RPS6KC1: variants seen among roughly 807,000 people sequenced by gnomAD.
The protein encoded by RPS6KC1 is inactive ribosomal protein S6 kinase delta-1.
RPS6KC1 carries 54 observed loss-of-function variants against 103.8 expected under a neutral mutation model. The observed-to-expected ratio is 0.52, with a 90% CI of 0.42 to 0.65. The LOEUF is 0.65. Ranked by LOEUF, RPS6KC1 falls within the 30% of genes least tolerant of loss-of-function variation. RPS6KC1 has a pLI of 0.00. For synonymous variants in RPS6KC1, 439 were observed against 438.7 expected, an observed-to-expected ratio of 1.00 and a Z score of -0.01; for missense variants, 1,151 against 1,253.8, an observed-to-expected ratio of 0.92 and a Z score of 1.24.
chr1:213,635,467 T>G, the RPS6KC1 span, among the ~76,000 whole-genome samples: 9,558 of 152,208 alleles, frequency 0.063, 318 homozygotes, highest in Middle Eastern at 0.14. Context: ...GTTCAACATA[T>G]GCAAATCAAT....
intron 7 of RPS6KC1, among the ~76,000 whole-genome samples, chr1:213,173,787 T>G (rs907588551): frequency 1.3e-5 from 2 of 152,258 alleles, no homozygotes; most frequent in African/African-American, 4.8e-5. Flanking sequence ...AGACTGAGCC[T>G]TTTGATAATT....
At chr1:213,535,932 C>G in the RPS6KC1 span, among the ~76,000 whole-genome samples, 1 of 152,244 alleles carries the variant, frequency 6.6e-6, no homozygotes, top group East Asian at 1.9e-4. Flanking sequence ...ATAAGAGGCT[C>G]CTGGCTGCCT....
chr1:213,716,407 G>A, the RPS6KC1 span, among the ~76,000 whole-genome samples: 2 of 152,182 alleles, frequency 1.3e-5, no homozygotes, highest in Non-Finnish European at 2.9e-5. Context: ...ACTCAGCCCA[G>A]TAAATGCTCT....
intron 8 of RPS6KC1, among the ~76,000 whole-genome samples, chr1:213,196,836 T>G (rs972158140): frequency 6.6e-5 from 10 of 152,162 alleles, no homozygotes; most frequent in African/African-American, 2.4e-4. Flanking sequence ...TACATGCCTT[T>G]TTTTGTTTGT....
chr1:213,301,678 G>A, the RPS6KC1 span, among the ~76,000 whole-genome samples: 42 of 151,726 alleles, frequency 2.8e-4, no homozygotes, highest in African/African-American at 9.7e-4. Flanking sequence ...CAGCCTAGGT[G>A]ACAGAGCAAG....
At chr1:213,558,016 G>C in the RPS6KC1 span, among the ~76,000 whole-genome samples, 1 of 152,174 alleles carries the variant, frequency 6.6e-6, no homozygotes, top group African/African-American at 2.4e-5. Flanking sequence ...TTGCAAGAGA[G>C]ATCTGCCTAT....
At chr1:213,154,086 G>A (rs1229897012) in intron 6 of RPS6KC1, among the ~76,000 whole-genome samples, 1 of 152,156 alleles carries the variant, frequency 6.6e-6, no homozygotes, top group Non-Finnish European at 1.5e-5. Flanking sequence ...GGCTCTTGTT[G>A]TTTCCTTACT....
chr1:213,566,601 T>C, the RPS6KC1 span, among the ~76,000 whole-genome samples: 1 of 151,634 alleles, frequency 6.6e-6, no homozygotes, highest in Non-Finnish European at 1.5e-5. Context: ...GCCTCTCTGT[T>C]CTGCAATTTG....
chr1:213,647,406 C>T, the RPS6KC1 span, among the ~76,000 whole-genome samples: 3 of 152,042 alleles, frequency 2.0e-5, no homozygotes, highest in Admixed American at 6.5e-5. Context: ...TAAATTAATC[C>T]TTAGATTACT....
chr1:213,570,543 A>G, the RPS6KC1 span, among the ~76,000 whole-genome samples: 5 of 152,128 alleles, frequency 3.3e-5, no homozygotes, highest in African/African-American at 4.8e-5. Flanking sequence ...ATGTGCTACC[A>G]GTTTTTTTAA....
the RPS6KC1 span, among the ~76,000 whole-genome samples, chr1:213,697,888 C>T: frequency 1.3e-5 from 2 of 152,122 alleles, no homozygotes; most frequent in South Asian, 4.1e-4. Context: ...TGATTTCCAG[C>T]TATTGTAGAA....
At chr1:213,494,363 T>C in the RPS6KC1 span, among the ~76,000 whole-genome samples, 2 of 152,028 alleles carry the variant, frequency 1.3e-5, no homozygotes, top group African/African-American at 4.8e-5. Context: ...AATTCTTTGA[T>C]GTTTTCAAAA....
Position 213,125,413 on chromosome 1 carries a change from T to G in RPS6KC1, c.473-4114T>G, listed in dbSNP as rs77830925. On this transcript the variant is annotated intron_variant, in intron 5 of 14. Transcript: ENST00000366960. ...TTATTGCCACATTTTTACTAATTTT[T>G]GTGATGGACAGATGGACATTCTTGT... Among the ~76,000 whole-genome samples, 1,413 of 152,222 alleles carry G rather than the reference T, an allele frequency of 9.3e-3. 47 individuals carry two copies. Among genetic ancestry groups the G allele is most frequent in the East Asian group, 0.07 (364 of 5,178 alleles).
At chr1:213,209,028 T>C (rs1039314575) in intron 8 of RPS6KC1, among the ~76,000 whole-genome samples, 2 of 152,052 alleles carry the variant, frequency 1.3e-5, no homozygotes, top group African/African-American at 2.4e-5. Flanking sequence ...TTGGTTCAAC[T>C]TGGTTCTTCC....
the RPS6KC1 span, among the ~76,000 whole-genome samples, chr1:213,752,348 C>A: frequency 6.6e-6 from 1 of 151,594 alleles, no homozygotes; most frequent in South Asian, 2.1e-4. Context: ...CAGTCATAGA[C>A]CATATGTAAA....
intron 12 of RPS6KC1, among the ~76,000 whole-genome samples, chr1:213,251,013 G>A (rs1183367596): frequency 6.6e-6 from 1 of 151,888 alleles, no homozygotes; most frequent in Non-Finnish European, 1.5e-5. Flanking sequence ...TATGGAATTA[G>A]GTGCCTAAAT....
At chr1:213,195,220 G>A (rs2092899782) in intron 8 of RPS6KC1, among the ~76,000 whole-genome samples, 3 of 152,160 alleles carry the variant, frequency 2.0e-5, no homozygotes, top group African/African-American at 7.2e-5. Context: ...TGTGCTTGTG[G>A]TTATGAGAAT....
chr1:213,444,618 G>A, the RPS6KC1 span, among the ~76,000 whole-genome samples: 507 of 151,974 alleles, frequency 3.3e-3, 5 homozygotes, highest in South Asian at 0.012. Context: ...TTAGCTGGGC[G>A]TGGTGGTGTG....
At chr1:213,225,460 A>T (rs927577307) in intron 8 of RPS6KC1, among the ~76,000 whole-genome samples, 3 of 151,960 alleles carry the variant, frequency 2.0e-5, no homozygotes, top group Non-Finnish European at 4.4e-5. Flanking sequence ...CGCGATCTCA[A>T]TTCACTGCAA....
Sources: gnomAD v4.1 joint callset for allele counts (sites outside exome capture counted in the v4.1 genomes callset) on GRCh38, gnomAD v4.1.1 for gene constraint, MANE v1.5 for transcripts, NCBI Gene and HGNC (gene_info 2026-07-23, HGNC 2026-07-21) for gene names.